RPN2: variants seen among roughly 807,000 people sequenced by gnomAD.
RPN2 encodes the protein ribophorin II.
A neutral mutation model predicts 71.4 loss-of-function variants in RPN2; 29 were observed. That is an observed-to-expected ratio of 0.41 (90% CI 0.30 to 0.55). The LOEUF (loss-of-function observed/expected upper bound fraction) is 0.55. RPN2 is among the 20% of genes least tolerant of loss of function. RPN2 has a pLI of 0.35. For missense variants in RPN2, 726 were observed against 774.1 expected, an observed-to-expected ratio of 0.94 and a Z score of 0.74; for synonymous variants, 308 against 305.0, an observed-to-expected ratio of 1.01 and a Z score of -0.10.
intron 2 of RPN2, among the ~76,000 whole-genome samples, chr20:37,185,214 A>G (rs2066981415): frequency 6.8e-6 from 1 of 147,364 alleles, no homozygotes; most frequent in Admixed American, 7.0e-5. Context: ...ATCATGGCTC[A>G]CTGCAGTCTC....
At chr20:37,237,042 G>T (rs781681956) in intron 16 of RPN2, among the ~76,000 whole-genome samples, 1 of 152,174 alleles carries the variant, frequency 6.6e-6, no homozygotes, top group Non-Finnish European at 1.5e-5. Context: ...CTGCTACAGA[G>T]AATCCTGCCC....
At chr20:37,226,524 A>G (rs945329789) in intron 11 of RPN2, among the ~76,000 whole-genome samples, 8 of 152,146 alleles carry the variant, frequency 5.3e-5, no homozygotes, top group Non-Finnish European at 1.2e-4. Context: ...ATTTGTGTGT[A>G]TGTATGTATG....
intron 1 of RPN2, among the ~76,000 whole-genome samples, chr20:37,181,751 A>T (rs1157656092): frequency 6.6e-6 from 1 of 152,056 alleles, no homozygotes; most frequent in Admixed American, 6.5e-5. Context: ...ATAGTTTCCC[A>T]CCAGATATCT....
intron 15 of RPN2, among the ~76,000 whole-genome samples, chr20:37,236,199 C>G (rs1241667552): frequency 1.3e-5 from 2 of 152,054 alleles, no homozygotes; most frequent in South Asian, 2.1e-4. Flanking sequence ...CTCAAGCGAT[C>G]TTCCTACCTC....
At chr20:37,187,176 A>AT (rs1344335970) in intron 2 of RPN2, among the ~76,000 whole-genome samples, 3 of 151,806 alleles carry the variant, frequency 2.0e-5, no homozygotes, top group Middle Eastern at 3.4e-3. Context: ...TATTCCATTT[A>AT]TTTTTTTATT....
chr20:37,180,856 G>A (rs757450007), intron 1 of RPN2, among the ~76,000 whole-genome samples: 81 of 152,292 alleles, frequency 5.3e-4, no homozygotes, highest in Non-Finnish European at 9.3e-4. Flanking sequence ...TGCATGGTCT[G>A]TTCTCCACAC....
chr20:37,196,245 T>C (rs1324281234), intron 2 of RPN2, among the ~76,000 whole-genome samples: 7 of 151,620 alleles, frequency 4.6e-5, no homozygotes, highest in Non-Finnish European at 1.0e-4. Flanking sequence ...CTTTTTTTTT[T>C]TGAGACGGAG....
chr20:37,232,152 A>C (rs868613836), intron 13 of RPN2, 144 bp from the exon 14 acceptor site: 1 of 943,462 alleles, frequency 1.1e-6, no homozygotes, highest in Non-Finnish European at 1.7e-6. Flanking sequence ...AAAAGGCCCC[A>C]TGCCCACTTG....
chr20:37,213,810 A>G lies in RPN2; in HGVS notation c.1037A>G (p.Tyr346Cys). The G allele has an allele frequency of 1.9e-6, 3 of 1,614,160 alleles. No individual in the cohort carries two copies. The highest frequency in any genetic ancestry group is 2.5e-6 in the Non-Finnish European group (3 of 1,179,976). The part of the protein sequence containing the change: ...FMNVKFSSGY[Y>C]DFLVEVEGDN... ...AACGTCAAATTTTCCAGTGGTTATT[A>G]TGACTTCCTTGTCGAAGTTGAAGGT... Residue 346 changes from tyrosine to cysteine, a missense_variant, in exon 9 of 17, where the codon TAT becomes TGT. Transcript: ENST00000237530.
chr20:37,194,584 G>A (rs936814079), intron 2 of RPN2, among the ~76,000 whole-genome samples: 1 of 152,250 alleles, frequency 6.6e-6, no homozygotes, highest in African/African-American at 2.4e-5. Flanking sequence ...TTTAAAATAA[G>A]TCTTGAGTTT....
intron 16 of RPN2, among the ~76,000 whole-genome samples, chr20:37,237,001 A>T (rs1265477752): frequency 1.3e-5 from 2 of 152,198 alleles, no homozygotes; most frequent in African/African-American, 4.8e-5. Context: ...GTGGCAGAAG[A>T]TTAATTTGTT....
Position 37,213,827 on chromosome 20 carries a change from G to A in RPN2, c.1054G>A (p.Val352Ile). 1 of 1,614,134 alleles carries A rather than the reference G, an allele frequency of 6.2e-7. No individual in the cohort carries two copies. Among genetic ancestry groups the A allele is most frequent in the Non-Finnish European group, 8.5e-7 (1 of 1,179,986 alleles). ...TGGTTATTATGACTTCCTTGTCGAAGTTGAAGGTGACAACCGGTATATTGC... is the reference window on the plus strand; with the variant it reads ...TGGTTATTATGACTTCCTTGTCGAAATTGAAGGTGACAACCGGTATATTGC... ...SSGYYDFLVE[V>I]EGDNRYIANT... The change falls in exon 9 of 17, where the codon GTT (valine) becomes ATT (isoleucine). Residue 352 changes from valine (V) to isoleucine (I), a missense_variant. Transcript: ENST00000237530.
intron 4 of RPN2, chr20:37,200,460 A>G: frequency 1.9e-6 from 1 of 532,898 alleles, no homozygotes; most frequent in Non-Finnish European, 3.8e-6. Context: ...GGTGTGGAGC[A>G]CCGTTCTGGA....
intron 9 of RPN2, among the ~76,000 whole-genome samples, chr20:37,216,846 G>T (rs1432038097): frequency 6.6e-6 from 1 of 152,022 alleles, no homozygotes. Context: ...TTTTGTTGCT[G>T]TAGTATTTTA....
chr20:37,226,553 T>A (rs2068083044), intron 11 of RPN2, among the ~76,000 whole-genome samples: 1 of 152,160 alleles, frequency 6.6e-6, no homozygotes, highest in African/African-American at 2.4e-5. Flanking sequence ...AATAAGGGAA[T>A]ATACTGAAAT....
intron 12 of RPN2, 36 bp from the exon 13 acceptor site, chr20:37,229,937 C>T (rs1166997816): frequency 2.7e-6 from 4 of 1,474,510 alleles, no homozygotes; most frequent in East Asian, 2.3e-5. Context: ...CACTTCTCTG[C>T]CCCTGTGCTT....
intron 2 of RPN2, among the ~76,000 whole-genome samples, chr20:37,185,589 G>T (rs1482940463): frequency 6.6e-6 from 1 of 152,024 alleles, no homozygotes; most frequent in East Asian, 1.9e-4. Flanking sequence ...AAACACCACC[G>T]ACTTATTGGC....
In RPN2 at chr20:37,228,759, G is replaced by A. The variant is rs187462158; in HGVS notation, c.1494+15G>A. The stretch of plus-strand genomic sequence containing the variant: ...TCTGGAATGTGGTATGTGCCTGAAT[G>A]TACCCCGACCCAGGTGAGAGTGGCT... On this transcript the variant is annotated intron_variant, in intron 12 of 16. Transcript: ENST00000237530. The A allele has an allele frequency of 1.9e-6, 3 of 1,613,148 alleles. No individual in the cohort carries two copies. The African/African-American group carries it at 4.0e-5, about 22-fold the overall frequency.
intron 16 of RPN2, among the ~76,000 whole-genome samples, chr20:37,237,439 G>GATGTGCCGCTTTCTTCT (rs2068429297): frequency 6.6e-6 from 1 of 152,234 alleles, no homozygotes; most frequent in South Asian, 2.1e-4. Context: ...ATCGTTTTCA[G>GATGTGCCGCTTTCTTCT]ATGTGCCGCT....
Sources: allele counts gnomAD v4.1 joint callset (sites outside exome capture counted in the v4.1 genomes callset), GRCh38; gene constraint gnomAD v4.1.1; transcripts MANE v1.5; gene names NCBI Gene and HGNC (gene_info 2026-07-23, HGNC 2026-07-21).